The following SCUBE1 variants were observed in gnomAD, a reference collection of about 807,000 sequenced individuals.
The protein encoded by SCUBE1 is signal peptide, CUB and EGF-like domain-containing protein 1.
A neutral mutation model predicts 124.4 loss-of-function variants in SCUBE1; 59 were observed. The observed-to-expected ratio is 0.47, with a 90% CI of 0.38 to 0.59. SCUBE1 has a LOEUF of 0.59. Ranked by LOEUF, SCUBE1 falls within the 20% of genes least tolerant of loss-of-function variation. SCUBE1 has a pLI of 0.00. For missense variants in SCUBE1, 1,150 were observed against 1,371.2 expected (o/e 0.84, Z 2.55); for synonymous variants, 545 against 550.9 (o/e 0.99, Z 0.15).
At chr22:43,225,009 C>A (rs1055916299) in intron 10 of SCUBE1, among the ~76,000 whole-genome samples, 18 of 152,172 alleles carry the variant, frequency 1.2e-4, no homozygotes, top group Non-Finnish European at 2.4e-4. Flanking sequence ...TCTGACACAT[C>A]AAAACTAATA....
At chr22:43,214,047 G>T (rs762604738) in intron 16 of SCUBE1, 43 bp downstream of exon 16, 2 of 143,438 alleles carry the variant, frequency 1.4e-5, no homozygotes, top group Non-Finnish European at 2.6e-5. Flanking sequence ...AGGAGCCCCC[G>T]CCCACCCCCC....
At chr22:43,305,936 G>A (rs902940552) in intron 3 of SCUBE1, among the ~76,000 whole-genome samples, 5 of 152,224 alleles carry the variant, frequency 3.3e-5, no homozygotes, top group Non-Finnish European at 7.3e-5. Flanking sequence ...TCTATTTCTA[G>A]CTGTATGTGG....
At chr22:43,273,561 CTTTTTTTTTTTTT>C in intron 4 of SCUBE1, among the ~76,000 whole-genome samples, 1 of 60,972 alleles carries the variant, frequency 1.6e-5, no homozygotes, top group Middle Eastern at 0.024. Flanking sequence ...CTAAAACCCT[CTTTTTTTTTTTTT>C]TTTTTTTTTT....
At chr22:43,314,127 A>C (rs552948084) in intron 3 of SCUBE1, among the ~76,000 whole-genome samples, 16 of 152,324 alleles carry the variant, frequency 1.1e-4, no homozygotes, top group African/African-American at 3.4e-4. Context: ...TGCACAAGGC[A>C]GCGGAGACAG....
At chr22:43,207,835 C>G (rs534124219) in intron 20 of SCUBE1, among the ~76,000 whole-genome samples, 1 of 152,346 alleles carries the variant, frequency 6.6e-6, no homozygotes, top group South Asian at 2.1e-4. Flanking sequence ...CCTCAAAACC[C>G]TGCTTGGGCA....
intron 4 of SCUBE1, 151 bp downstream of exon 4, chr22:43,290,895 C>A (rs1925332126): frequency 2.5e-6 from 2 of 801,058 alleles, no homozygotes; most frequent in Non-Finnish European, 1.9e-6. Flanking sequence ...CATGCAGAAC[C>A]AATACCAGAC....
intron 5 of SCUBE1, 64 bp downstream of exon 5, chr22:43,262,656 C>A: frequency 6.3e-7 from 1 of 1,596,008 alleles, no homozygotes; most frequent in Non-Finnish European, 8.6e-7. Flanking sequence ...ACTGGACAGA[C>A]CCTCCAGAAA....
rs917743060 is a variant in SCUBE1, at chr22:43,205,479, C to T, written c.2815-1330G>A. ...GCAAATGGCGACCACCACCTGCTGG[C>T]GCGTGAGAGCTCCTCGCCCTGTTGA... On this transcript the variant is annotated intron_variant, in intron 21 of 21. Coordinates refer to ENST00000360835, the MANE Select transcript of SCUBE1 (RefSeq NM_173050.5). 3.9e-5 allele frequency among the ~76,000 whole-genome samples: 6 copies of T among 152,052 alleles called. No homozygotes were observed. In the South Asian group the frequency reaches 8.3e-4, roughly 21 times the overall value.
At chr22:43,238,478 G>C in intron 7 of SCUBE1, 1 of 568,424 alleles carries the variant, frequency 1.8e-6, no homozygotes. Context: ...TACATTCTAC[G>C]CGCCTTGGGA....
chr22:43,309,143 G>A (rs1231344401), intron 3 of SCUBE1, among the ~76,000 whole-genome samples: 1 of 152,016 alleles, frequency 6.6e-6, no homozygotes, highest in East Asian at 1.9e-4. Flanking sequence ...CCAGCTCCAG[G>A]TATATCCATT....
chr22:43,247,482 C>A (rs5996297), intron 6 of SCUBE1, among the ~76,000 whole-genome samples: 2 of 152,040 alleles, frequency 1.3e-5, no homozygotes, highest in African/African-American at 2.4e-5. Flanking sequence ...ACGGTCCTTA[C>A]AGCAATGACA....
At chr22:43,285,282 C>A (rs1057070395) in intron 4 of SCUBE1, among the ~76,000 whole-genome samples, 1 of 152,144 alleles carries the variant, frequency 6.6e-6, no homozygotes, top group Non-Finnish European at 1.5e-5. Flanking sequence ...GAGTGCTGTC[C>A]CGACGCTCCT....
In SCUBE1 at chr22:43,258,158, A is replaced by G; in HGVS notation, c.727+61T>C. The G allele has an allele frequency of 1.1e-6, 1 of 928,524 alleles. No individual in the cohort carries two copies. The highest frequency in any genetic ancestry group is 1.6e-6 in the Non-Finnish European group (1 of 620,458). 57.5% of individuals were successfully genotyped at this position (928,524 alleles called of 1,614,324 possible). On this transcript the variant is annotated intron_variant, in intron 6 of 21. Transcript: ENST00000360835. This position sits in a 1 kb window ranked among gnomAD's most constrained non-coding sequence, Gnocchi z 5.0. ...GGCAGGGTGCTGGCCCTGCTGGTGC[A>G]CGCATGGGGGGTCGGGGGCGGGGGG...
chr22:43,243,097 G>A lies in SCUBE1; in HGVS notation c.728-4143C>T, dbSNP rs538803626. 3.9e-5 allele frequency among the ~76,000 whole-genome samples: 6 copies of A among 152,314 alleles called. 1 individual carries two copies. The South Asian group carries it at 1.2e-3, about 32-fold the overall frequency. On this transcript the variant is annotated intron_variant, in intron 6 of 21. Coordinates refer to ENST00000360835, the MANE Select transcript of SCUBE1 (RefSeq NM_173050.5). ...TCTAAGGGCGGGGTCCTGGGCCACC[G>A]CACACGCCACACACCCTAGAAGCTG...
rs375170368 is a variant in SCUBE1 at position 43,229,091 on chromosome 22, G to A, written c.1065C>T (p.Tyr355=). Residue 355 remains tyrosine (Y), a synonymous_variant, in exon 9 of 22, where the codon TAC becomes TAT. Coordinates refer to ENST00000360835, the MANE Select transcript of SCUBE1 (RefSeq NM_173050.5). ...QCLCHRGYIL[Y]GTTHCGDVDE... is the part of the protein sequence containing the mutation. ...GCAGACCTCCGCAGTGGGTTGTCCC[G>A]TAGAGGATGTAGCCGCGGTGACACA... is the stretch of plus-strand genomic sequence containing the variant. The A allele has an allele frequency of 7.0e-5, 113 of 1,612,908 alleles. No individual in the cohort carries two copies. The highest frequency in any genetic ancestry group is 1.1e-4 in the South Asian group (10 of 90,998).
intron 6 of SCUBE1, among the ~76,000 whole-genome samples, chr22:43,246,964 A>G (rs1186788112): frequency 6.6e-6 from 1 of 151,940 alleles, no homozygotes. Flanking sequence ...GGAGCTGTGC[A>G]GGGCTCCTGG....
rs1601908401 is a variant in SCUBE1 at position 43,343,147 on chromosome 22, C to T, written c.88+27G>A. Reference sequence around the variant, plus strand: ...GGCCGCCCGAGCCCCCCGCGCCCGCCGCCCCCCACCTCGGTCGGGGGCTTA... The same window carrying T: ...GGCCGCCCGAGCCCCCCGCGCCCGCTGCCCCCCACCTCGGTCGGGGGCTTA... On this transcript the variant is annotated intron_variant, in intron 1 of 21. Transcript: ENST00000360835. 15 of 1,120,868 alleles carry T rather than the reference C, an allele frequency of 1.3e-5. No individual in the cohort carries two copies. In the East Asian group the frequency reaches 2.3e-4, roughly 17 times the overall value. 69.4% of individuals were successfully genotyped at this position (1,120,868 alleles called of 1,614,324 possible).
chr22:43,316,929 G>C (rs771330016), intron 3 of SCUBE1: 6 of 152,200 alleles, frequency 3.9e-5, no homozygotes, highest in Non-Finnish European at 8.8e-5. Flanking sequence ...AAAACAGGCA[G>C]GCAGGTCTAA....
chr22:43,313,116 C>T lies in SCUBE1; in HGVS notation c.349+6821G>A, dbSNP rs183257945. Among the ~76,000 whole-genome samples the T allele has an allele frequency of 1.0e-3, 153 of 152,304 alleles. 1 individual carries two copies. The highest frequency in any genetic ancestry group is 1.2e-3 in the Admixed American group (19 of 15,304). On this transcript the variant is annotated intron_variant, in intron 3 of 21. Coordinates refer to ENST00000360835, the MANE Select transcript of SCUBE1 (RefSeq NM_173050.5). The stretch of plus-strand genomic sequence containing the variant: ...CTAACAAGAGAACTGAGCACAGCAT[C>T]CCGGGCAAATCCAGGCACACAGGAG...
Sources: gnomAD v4.1 joint callset for allele counts (sites outside exome capture counted in the v4.1 genomes callset) on GRCh38, gnomAD v4.1.1 for gene constraint, Gnocchi (gnomAD v3.1) non-coding constraint, MANE v1.5 for transcripts, NCBI Gene and HGNC (gene_info 2026-07-23, HGNC 2026-07-21) for gene names.